The following EYS variants were observed in gnomAD, a reference collection of about 807,000 sequenced individuals.
EYS encodes protein eyes shut homolog.
A neutral mutation model predicts 282.1 loss-of-function variants in EYS; 250 were observed. The observed-to-expected ratio is 0.89, with a 90% CI of 0.80 to 0.98. EYS has a LOEUF of 0.98. Among genes scored for constraint, EYS ranks in the 50% least tolerant of loss-of-function variants. The pLI is 0.00. For missense variants in EYS, 4,016 were observed against 3,709.0 expected, an observed-to-expected ratio of 1.08 and a Z score of -2.15; for synonymous variants, 1,355 against 1,282.9, an observed-to-expected ratio of 1.06 and a Z score of -1.20.
At chr6:64,611,215 TA>T (rs1378552669) in intron 24 of EYS, among the ~76,000 whole-genome samples, 10 of 152,162 alleles carry the variant, frequency 6.6e-5, no homozygotes, top group African/African-American at 2.4e-4. Flanking sequence ...CCTTATTTCT[TA>T]TGGCTATTTT....
chr6:64,379,448 T>C (rs866344926), intron 29 of EYS: 2 of 152,196 alleles, frequency 1.3e-5, no homozygotes, highest in African/African-American at 2.4e-5. Context: ...GGACTTTGAT[T>C]TGATAAATCT....
intron 35 of EYS, among the ~76,000 whole-genome samples, chr6:63,916,587 TGA>T (rs1344540277): frequency 3.9e-5 from 6 of 152,336 alleles, no homozygotes; most frequent in African/African-American, 1.4e-4. Context: ...TGTTGTTTTG[TGA>T]GAGTTTTTTT....
rs549990569 is a variant in EYS, at chr6:63,863,457, T to C, written c.7228+729A>G. On this transcript the variant is annotated intron_variant, in intron 36 of 42. Transcript: ENST00000503581. The stretch of plus-strand genomic sequence containing the variant: ...TGTATCATGGGTTTTGTAAAGCAAC[T>C]GGGCTGTAATGCATAGATTTGTTAA... Among the ~76,000 whole-genome samples, 60 of 152,250 alleles carry C rather than the reference T, an allele frequency of 3.9e-4. No homozygotes were observed. In the South Asian group the frequency reaches 5.6e-3, roughly 14 times the overall value.
chr6:64,096,944 T>A (rs770231033), intron 31 of EYS, among the ~76,000 whole-genome samples: 8 of 152,234 alleles, frequency 5.3e-5, no homozygotes, highest in Non-Finnish European at 1.0e-4. Context: ...TGGATGTCCT[T>A]TCTGTTTGAT....
intron 22 of EYS, among the ~76,000 whole-genome samples, chr6:64,670,724 A>C (rs1769426496): frequency 1.3e-5 from 2 of 152,176 alleles, no homozygotes; most frequent in Middle Eastern, 3.2e-3. Flanking sequence ...TCCTAGTGCC[A>C]AAAAATGGCC....
intron 22 of EYS, among the ~76,000 whole-genome samples, chr6:64,632,891 G>C (rs1360272058): frequency 6.6e-6 from 1 of 152,000 alleles, no homozygotes; most frequent in Non-Finnish European, 1.5e-5. Context: ...AAAAATACAG[G>C]TATTTTAAAC....
chr6:64,598,462 AAAAC>A (rs558580427), intron 24 of EYS, among the ~76,000 whole-genome samples: 112 of 152,344 alleles, frequency 7.4e-4, no homozygotes, highest in African/African-American at 2.0e-3. Context: ...CTCCGTCTCA[AAAAC>A]AAACAAACAA....
intron 5 of EYS, among the ~76,000 whole-genome samples, chr6:65,475,507 T>C (rs957175784): frequency 6.6e-6 from 1 of 152,154 alleles, no homozygotes; most frequent in Non-Finnish European, 1.5e-5. Flanking sequence ...AGGATATTTA[T>C]TTGAAAATAA....
At chr6:63,785,787 T>C (rs574795435) in intron 39 of EYS, among the ~76,000 whole-genome samples, 2 of 152,240 alleles carry the variant, frequency 1.3e-5, no homozygotes, top group African/African-American at 4.8e-5. Flanking sequence ...GGCAGGCGGA[T>C]GGCTTGAGCC....
At chr6:64,357,864 C>A (rs1479357165) in intron 29 of EYS, among the ~76,000 whole-genome samples, 1 of 151,502 alleles carries the variant, frequency 6.6e-6, no homozygotes, top group African/African-American at 2.4e-5. Context: ...GTTTTTTTCA[C>A]CACTGATGTA....
chr6:64,779,682 T>C (rs574637504), intron 22 of EYS, among the ~76,000 whole-genome samples: 1 of 152,298 alleles, frequency 6.6e-6, no homozygotes, highest in East Asian at 1.9e-4. Context: ...AATTATAATG[T>C]GTCCCATGAA....
At chr6:64,613,307 T>A (rs1314213490) in intron 24 of EYS, among the ~76,000 whole-genome samples, 1 of 152,156 alleles carries the variant, frequency 6.6e-6, no homozygotes, top group East Asian at 1.9e-4. Flanking sequence ...ATCCTTTTTT[T>A]AAAAGACACA....
chr6:64,326,039 T>C (rs751572596), intron 29 of EYS, among the ~76,000 whole-genome samples: 21 of 152,240 alleles, frequency 1.4e-4, no homozygotes, highest in African/African-American at 3.9e-4. Flanking sequence ...GACATCCAAA[T>C]ACAAGAAGCA....
chr6:64,454,714 A>C (rs1336640589), intron 26 of EYS, among the ~76,000 whole-genome samples: 1 of 152,158 alleles, frequency 6.6e-6, no homozygotes, highest in Non-Finnish European at 1.5e-5. Context: ...TGCCAACTGC[A>C]TTACTTAAGT....
intron 12 of EYS, among the ~76,000 whole-genome samples, chr6:65,181,320 C>T (rs905640726): frequency 1.4e-4 from 22 of 151,932 alleles, no homozygotes; most frequent in Admixed American, 4.6e-4. Context: ...TGACAAAGGG[C>T]TAATATCCAG....
intron 7 of EYS, 85 bp from the exon 8 acceptor site, chr6:65,384,585 G>T: frequency 2.8e-6 from 2 of 724,170 alleles, no homozygotes; most frequent in Non-Finnish European, 4.8e-6. Context: ...AAAGGAATAA[G>T]GCTTTGTTTA....
At chr6:64,257,676 A>G (rs760446146) in intron 30 of EYS, among the ~76,000 whole-genome samples, 1 of 151,946 alleles carries the variant, frequency 6.6e-6, no homozygotes, top group Non-Finnish European at 1.5e-5. Context: ...TCCTTTCCCC[A>G]ACACCAAATC....
intron 31 of EYS, among the ~76,000 whole-genome samples, chr6:64,203,023 C>T (rs1195994267): frequency 6.6e-6 from 1 of 152,164 alleles, no homozygotes; most frequent in Non-Finnish European, 1.5e-5. Flanking sequence ...CCCTCAGATA[C>T]TAATACAGAG....
intron 22 of EYS, among the ~76,000 whole-genome samples, chr6:64,801,061 T>C (rs1315259987): frequency 6.6e-6 from 1 of 152,068 alleles, no homozygotes; most frequent in East Asian, 1.9e-4. Context: ...CTAATTCTAC[T>C]TCAATTTTTA....
Sources: allele counts gnomAD v4.1 joint callset (sites outside exome capture counted in the v4.1 genomes callset), GRCh38; gene constraint gnomAD v4.1.1; transcripts MANE v1.5; gene names NCBI Gene and HGNC (gene_info 2026-07-23, HGNC 2026-07-21).